Variants in LUC7L2 observed in about 807,000 individuals in gnomAD.
LUC7L2 encodes putative RNA-binding protein Luc7-like 2.
A neutral mutation model predicts 52.8 loss-of-function variants in LUC7L2; 25 were observed. The ratio of observed to expected loss-of-function variants is 0.47; its 90% CI spans 0.34 to 0.66. LUC7L2 has a LOEUF of 0.66. Ranked by LOEUF, LUC7L2 falls within the 30% of genes least tolerant of loss-of-function variation. The probability of loss-of-function intolerance (pLI) is 0.01; values close to 1 mark genes in which losing one functional copy is unlikely to be tolerated. For missense variants in LUC7L2, 328 were observed against 497.8 expected (o/e 0.66, Z 3.25); for synonymous variants, 144 against 160.9 (o/e 0.89, Z 0.80).
At chr7:139,374,547 C>T (rs1253975073) in intron 1 of LUC7L2, 1 of 1,545,512 alleles carries the variant, frequency 6.5e-7, no homozygotes, top group Non-Finnish European at 8.7e-7. Flanking sequence ...GAAAAAGGAC[C>T]ATCAAAATAA....
intron 4 of LUC7L2, among the ~76,000 whole-genome samples, chr7:139,404,727 A>G (rs1340902343): frequency 1.3e-5 from 2 of 152,138 alleles, no homozygotes; most frequent in East Asian, 3.9e-4. Context: ...AAAGCTAAGG[A>G]CTCATAGAGT....
At chr7:139,354,787 C>G (rs903728058) in intron 1 of LUC7L2, among the ~76,000 whole-genome samples, 2 of 151,860 alleles carry the variant, frequency 1.3e-5, no homozygotes, top group Non-Finnish European at 2.9e-5. Context: ...ATCACACCCA[C>G]TTTAAGCTAG....
chr7:139,393,297 C>T (rs926776864), intron 2 of LUC7L2, among the ~76,000 whole-genome samples: 8 of 151,674 alleles, frequency 5.3e-5, no homozygotes, highest in African/African-American at 1.9e-4. Context: ...GTGATGTGTG[C>T]CTGTTGGTCC....
Position 139,416,493 on chromosome 7 carries a change from G to A in LUC7L2, c.810-1045G>A, listed in dbSNP as rs183681942. 5.3e-5 allele frequency: 8 copies of A among 151,912 alleles called. No individual in the cohort carries two copies. The East Asian group carries it at 9.7e-4, about 18-fold the overall frequency. 9.4% of individuals were successfully genotyped at this position (151,912 alleles called of 1,614,324 possible). A position where few individuals can be genotyped will look rare whatever the true frequency, so the allele number is the denominator to read the frequency against. ...AGTCAAGTTCTCAAAAATGATTTTC[G>A]CAAGTGTTCTTTCTCCCAAACTGTT... On this transcript the variant is annotated intron_variant, in intron 8 of 9. Transcript: ENST00000354926.
chr7:139,422,570 TATA>T lies in LUC7L2; in HGVS notation c.*235_*237del, dbSNP rs1196725760. On this transcript the variant is annotated 3_prime_UTR_variant, in exon 10 of 10. Transcript: ENST00000354926. ...ATACAGTTCTGAAAGTACAGTTTTA[TATA>T]ATAAGATGCTGATCTCTTTATTCTT... 3 of 827,788 alleles carry T rather than the reference TATA, an allele frequency of 3.6e-6. No individual in the cohort carries two copies. Among genetic ancestry groups the T allele is most frequent in the South Asian group, 5.5e-5 (1 of 18,178 alleles). The allele number at this position is 827,788 out of a possible 1,614,324, so 51.3% of individuals were successfully genotyped here.
chr7:139,409,694 G>C (rs758860245), intron 7 of LUC7L2, 40 bp downstream of exon 7: 2 of 1,546,324 alleles, frequency 1.3e-6, no homozygotes, highest in African/African-American at 2.8e-5. Context: ...TTGAATCTCT[G>C]TGGTTCTAAA....
At chr7:139,350,138 T>C (rs1202984023) in intron 1 of LUC7L2, among the ~76,000 whole-genome samples, 3 of 152,144 alleles carry the variant, frequency 2.0e-5, no homozygotes, top group Non-Finnish European at 4.4e-5. Context: ...CTTTTTTTTT[T>C]TGAGACGGAG....
chr7:139,360,789 C>A (rs1348298128), intron 1 of LUC7L2, among the ~76,000 whole-genome samples: 1 of 152,118 alleles, frequency 6.6e-6, no homozygotes, highest in Admixed American at 6.5e-5. Context: ...CAGGAGGAAA[C>A]CTTTATTACT....
chr7:139,341,262 C>T, intron 1 of LUC7L2: 1 of 1,461,584 alleles, frequency 6.8e-7, no homozygotes, highest in Non-Finnish European at 9.1e-7. Flanking sequence ...GGTTCCACTG[C>T]TCGTCAGTCG....
At chr7:139,352,933 C>T (rs1799498588) in intron 1 of LUC7L2, among the ~76,000 whole-genome samples, 1 of 152,202 alleles carries the variant, frequency 6.6e-6, no homozygotes, top group African/African-American at 2.4e-5. Context: ...CACGGTGGCT[C>T]ATGCTTGCAA....
At chr7:139,341,521 G>A in intron 1 of LUC7L2, 1 of 1,611,366 alleles carries the variant, frequency 6.2e-7, no homozygotes. Context: ...CGTGCACATC[G>A]GGTACGGGAG....
intron 1 of LUC7L2, among the ~76,000 whole-genome samples, chr7:139,362,541 A>C (rs1302609802): frequency 6.6e-6 from 1 of 151,952 alleles, no homozygotes; most frequent in Non-Finnish European, 1.5e-5. Context: ...TGTCTTTGGC[A>C]CTAAGAGGTG....
At chr7:139,341,495 C>T (rs1281355151) in intron 1 of LUC7L2, 2 of 1,613,768 alleles carry the variant, frequency 1.2e-6, no homozygotes, top group African/African-American at 1.3e-5. Context: ...CCTATCGGTA[C>T]CTTGTGAAGG....
At chr7:139,362,442 C>A (rs1799936963) in intron 1 of LUC7L2, among the ~76,000 whole-genome samples, 1 of 152,012 alleles carries the variant, frequency 6.6e-6, no homozygotes, top group Non-Finnish European at 1.5e-5. Flanking sequence ...AACATGGAAA[C>A]GTCCCCTGAA....
At chr7:139,406,713 C>G (rs1016142605) in intron 5 of LUC7L2, among the ~76,000 whole-genome samples, 4 of 151,944 alleles carry the variant, frequency 2.6e-5, no homozygotes, top group Admixed American at 6.6e-5. Context: ...TTCAGAAAAT[C>G]TCTCTAAGTT....
At chr7:139,350,370 C>T (rs1390244526) in intron 1 of LUC7L2, among the ~76,000 whole-genome samples, 1 of 152,154 alleles carries the variant, frequency 6.6e-6, no homozygotes, top group Non-Finnish European at 1.5e-5. Context: ...ATCCACCCGC[C>T]TCGACCTCCC....
chr7:139,347,508 AC>A (rs1279563643), intron 1 of LUC7L2, among the ~76,000 whole-genome samples: 1 of 151,206 alleles, frequency 6.6e-6, no homozygotes, highest in Admixed American at 6.6e-5. Flanking sequence ...AATCGCTTGA[AC>A]CCAGGAGACG....
At chr7:139,370,571 C>A (rs1034132116) in intron 1 of LUC7L2, among the ~76,000 whole-genome samples, 1 of 152,162 alleles carries the variant, frequency 6.6e-6, no homozygotes, top group African/African-American at 2.4e-5. Context: ...GATTCTCCCA[C>A]CCCAGCCTCT....
chr7:139,419,064 C>T (rs550316591), intron 9 of LUC7L2, among the ~76,000 whole-genome samples: 225 of 151,678 alleles, frequency 1.5e-3, no homozygotes, highest in South Asian at 2.7e-3. Flanking sequence ...GAGCCAAGAT[C>T]GCACCACTGC....
Sources: allele counts gnomAD v4.1 joint callset (sites outside exome capture counted in the v4.1 genomes callset), GRCh38; gene constraint gnomAD v4.1.1; transcripts MANE v1.5; gene names NCBI Gene and HGNC (gene_info 2026-07-23, HGNC 2026-07-21).